Variants in UTRN observed in about 807,000 individuals in gnomAD.
UTRN encodes utrophin, also known as dystrophin-related protein 1.
A neutral mutation model predicts 463.9 loss-of-function variants in UTRN; 283 were observed. The observed-to-expected ratio is 0.61, with a 90% CI of 0.55 to 0.67. The LOEUF is 0.67. UTRN is among the 30% of genes least tolerant of loss of function. The pLI is 0.00. For synonymous variants in UTRN, 1,442 were observed against 1,431.5 expected (o/e 1.01, Z -0.17); for missense variants, 3,922 against 4,084.3 (o/e 0.96, Z 1.08).
chr6:144,691,777 T>A (rs997966153), intron 52 of UTRN, among the ~76,000 whole-genome samples: 1 of 152,238 alleles, frequency 6.6e-6, no homozygotes, highest in Non-Finnish European at 1.5e-5. Context: ...TATAATTTGA[T>A]ACTTTCTACT....
chr6:144,326,692 A>G (rs908725705), intron 2 of UTRN, among the ~76,000 whole-genome samples: 1 of 152,132 alleles, frequency 6.6e-6, no homozygotes, highest in African/African-American at 2.4e-5. Context: ...CTGATACACC[A>G]CTTTTAATAG....
intron 53 of UTRN, among the ~76,000 whole-genome samples, chr6:144,725,968 G>C (rs1198120024): frequency 6.6e-6 from 1 of 152,030 alleles, no homozygotes; most frequent in Non-Finnish European, 1.5e-5. Context: ...CCCTACATTG[G>C]CATATCAAAG....
rs752875048 is a variant in UTRN, at chr6:144,447,224, C to T, written c.1628C>T (p.Ala543Val). The change falls in exon 15 of 75, where the codon GCT becomes GTT. Residue 543 changes from alanine (A) to valine (V), a missense_variant. Physicochemically the swap from Ala to Val is moderately conservative, Grantham distance 64. Coordinates refer to ENST00000367545, the MANE Select transcript of UTRN (RefSeq NM_007124.3). ...ELLEEQCLLK[A>V]WLTEKEEALN... ...TATTACTTGTAGTGCTTGTTGAAAG[C>T]TTGGTTAACCGAAAAAGAAGAGGCT... The T allele has an allele frequency of 6.2e-7, 1 of 1,613,776 alleles. No homozygotes were observed. The highest frequency in any genetic ancestry group is 8.5e-7 in the Non-Finnish European group (1 of 1,179,818).
intron 52 of UTRN, among the ~76,000 whole-genome samples, chr6:144,696,675 A>T (rs1321648173): frequency 2.6e-5 from 4 of 152,198 alleles, no homozygotes; most frequent in Non-Finnish European, 5.9e-5. Context: ...AAATATATAT[A>T]TATACTTTTG....
chr6:144,770,044 G>A (rs1425757913), intron 58 of UTRN, among the ~76,000 whole-genome samples: 1 of 152,186 alleles, frequency 6.6e-6, no homozygotes, highest in African/African-American at 2.4e-5. Flanking sequence ...AACCGAAAGG[G>A]TGGAATGGTT....
intron 2 of UTRN, among the ~76,000 whole-genome samples, chr6:144,327,815 G>A (rs1381869950): frequency 6.6e-6 from 1 of 151,976 alleles, no homozygotes; most frequent in Non-Finnish European, 1.5e-5. Flanking sequence ...ATGGTGGCGG[G>A]TACCTGGAAT....
chr6:144,794,490 T>G (rs912360277), intron 63 of UTRN, among the ~76,000 whole-genome samples: 1 of 152,184 alleles, frequency 6.6e-6, no homozygotes. Flanking sequence ...TAATGCTGTA[T>G]TTTCCTATTA....
chr6:144,470,183 G>A (rs558862326), intron 23 of UTRN, among the ~76,000 whole-genome samples: 3,884 of 152,104 alleles, frequency 0.026, 167 homozygotes, highest in African/African-American at 0.081. Context: ...AACTGCCATC[G>A]TCATCATGGC....
At position 144,291,895 on chromosome 6, in the gene UTRN, A is replaced by T; in HGVS notation, c.67A>T (p.Lys23Ter). The T allele has an allele frequency of 6.2e-7, 1 of 1,612,874 alleles. No homozygotes were observed. Among genetic ancestry groups the T allele is most frequent in the Non-Finnish European group, 8.5e-7 (1 of 1,179,344 alleles). ...GCAGAACGAATTCAGTGATATCATT[A>T]AGTCCAGATCTGGTAGGTAAAGGAA... ...NGQNEFSDIIKSRSDEHNDVQ... is the reference protein window; with the variant it reads ...NGQNEFSDII Residue 23 changes from lysine to a stop codon, truncating the protein, a stop_gained, in exon 2 of 75, where the codon AAG becomes TAG. Transcript: ENST00000367545. LOFTEE classifies it high-confidence loss of function.
At chr6:144,734,491 T>C (rs1022690920) in intron 54 of UTRN, among the ~76,000 whole-genome samples, 3 of 152,100 alleles carry the variant, frequency 2.0e-5, no homozygotes, top group African/African-American at 7.2e-5. Context: ...TCACCCTGAG[T>C]CCATTCTTCC....
intron 2 of UTRN, among the ~76,000 whole-genome samples, chr6:144,389,603 T>A (rs1781724066): frequency 1.3e-5 from 2 of 151,608 alleles, no homozygotes; most frequent in Non-Finnish European, 2.9e-5. Context: ...TTACTCTTTT[T>A]TTTTTCCCCC....
chr6:144,482,688 G>T (rs529757211), intron 27 of UTRN, among the ~76,000 whole-genome samples: 7 of 152,174 alleles, frequency 4.6e-5, no homozygotes, highest in Non-Finnish European at 1.0e-4. Flanking sequence ...TGCAATCCAG[G>T]TTTTCATGTA....
Position 144,700,083 on chromosome 6 carries a change from ACAGGGCCCATTTGGAGGC to A in UTRN, c.7653_7670del (p.Arg2551_Ala2556del). ...TTATTATTATTATTATTATCTCTCA[ACAGGGCCCATTTGGAGGC>A]CAGCGCTGAGAAGTGGAACAGGTTG... On this transcript the variant is annotated splice_acceptor_variant and splice_polypyrimidine_tract_variant and coding_sequence_variant and intron_variant, in exon 53 of 75. Coordinates refer to ENST00000367545, the MANE Select transcript of UTRN (RefSeq NM_007124.3). LOFTEE classifies it high-confidence loss of function. 1 of 1,588,390 alleles carries A rather than the reference ACAGGGCCCATTTGGAGGC, an allele frequency of 6.3e-7. No homozygotes were observed. The highest frequency in any genetic ancestry group is 1.2e-5 in the South Asian group (1 of 86,292).
intron 51 of UTRN, among the ~76,000 whole-genome samples, chr6:144,602,529 A>G (rs562707229): frequency 6.6e-6 from 1 of 152,358 alleles, no homozygotes; most frequent in East Asian, 1.9e-4. Context: ...AGCTATGCAT[A>G]CATTTAAGAA....
chr6:144,399,598 A>T (rs908552263), intron 2 of UTRN, among the ~76,000 whole-genome samples: 4 of 152,200 alleles, frequency 2.6e-5, no homozygotes, highest in Non-Finnish European at 5.9e-5. Context: ...TGTTAGTGTC[A>T]GCCAACTGGA....
At chr6:144,391,153 C>T (rs951743788) in intron 2 of UTRN, among the ~76,000 whole-genome samples, 7 of 152,012 alleles carry the variant, frequency 4.6e-5, no homozygotes, top group Non-Finnish European at 8.8e-5. Flanking sequence ...TTCCCTGCAG[C>T]CTCAAACTCC....
Position 144,793,544 on chromosome 6 carries a change from A to G in UTRN, c.8921-290A>G, listed in dbSNP as rs4451147. Among the ~76,000 whole-genome samples the G allele has an allele frequency of 0.56, 84,536 of 152,080 alleles. 25,824 individuals carry two copies. Among genetic ancestry groups the G allele is most frequent in the East Asian group, 0.95 (4,931 of 5,188 alleles). On this transcript the variant is annotated intron_variant, in intron 62 of 74. Transcript: ENST00000367545. ...GTATCATTTTAAAAAGGAAATTTGCATTTATTGATTTATATTATATATGCA... is the reference window on the plus strand; with the variant it reads ...GTATCATTTTAAAAAGGAAATTTGCGTTTATTGATTTATATTATATATGCA...
At chr6:144,424,937 T>C (rs1030637441) in intron 6 of UTRN, among the ~76,000 whole-genome samples, 2 of 152,204 alleles carry the variant, frequency 1.3e-5, no homozygotes, top group Admixed American at 6.5e-5. Context: ...TTATTAAATA[T>C]GAAAACTTAG....
At chr6:144,497,864 T>G (rs570528098) in intron 33 of UTRN, among the ~76,000 whole-genome samples, 2 of 152,246 alleles carry the variant, frequency 1.3e-5, no homozygotes, top group Non-Finnish European at 2.9e-5. Context: ...AGGTCATAAT[T>G]AAAGTAATCA....
Sources: allele counts gnomAD v4.1 joint callset (sites outside exome capture counted in the v4.1 genomes callset), GRCh38; gene constraint gnomAD v4.1.1; transcripts MANE v1.5; gene names NCBI Gene and HGNC (gene_info 2026-07-23, HGNC 2026-07-21).